Variants in MYO1B observed in about 807,000 individuals in gnomAD.
MYO1B encodes myosin IB, also known as unconventional myosin-Ib.
Under a neutral mutation model 159.7 loss-of-function variants are expected in MYO1B, and 72 were observed. The observed-to-expected ratio is 0.45, with a 90% CI of 0.37 to 0.55. MYO1B has a LOEUF of 0.55. Ranked by LOEUF, MYO1B falls within the 20% of genes least tolerant of loss-of-function variation. The pLI, the probability that MYO1B is intolerant of heterozygous loss-of-function variation, is 0.00. For synonymous variants in MYO1B, 468 were observed against 473.8 expected (o/e 0.99, Z 0.16); for missense variants, 1,062 against 1,364.8 (o/e 0.78, Z 3.50).
intron 3 of MYO1B, among the ~76,000 whole-genome samples, chr2:191,316,505 A>T (rs1559163363): frequency 6.6e-6 from 1 of 151,680 alleles, no homozygotes; most frequent in Non-Finnish European, 1.5e-5. Context: ...TATGTGAGTG[A>T]GTGTGTGTGT....
intron 4 of MYO1B, among the ~76,000 whole-genome samples, chr2:191,337,690 G>A (rs1691946575): frequency 6.6e-6 from 1 of 152,064 alleles, no homozygotes. Flanking sequence ...GTATCTATGA[G>A]TTAGAGAAAG....
intron 13 of MYO1B, among the ~76,000 whole-genome samples, chr2:191,371,295 G>GA (rs560673135): frequency 3.4e-4 from 52 of 151,934 alleles, no homozygotes; most frequent in East Asian, 1.4e-3. Flanking sequence ...CAGAATCTCA[G>GA]AAAAAAAACA....
At chr2:191,297,883 A>C (rs1425194849) in intron 3 of MYO1B, among the ~76,000 whole-genome samples, 1 of 152,148 alleles carries the variant, frequency 6.6e-6, no homozygotes, top group Non-Finnish European at 1.5e-5. Context: ...GGATGCTGCT[A>C]AGCACCCTTC....
chr2:191,303,397 G>A (rs1689454600), intron 3 of MYO1B, among the ~76,000 whole-genome samples: 1 of 152,108 alleles, frequency 6.6e-6, no homozygotes, highest in African/African-American at 2.4e-5. Context: ...GAATAGTTGA[G>A]CCCTTAAATT....
At chr2:191,303,157 C>T (rs1689438622) in intron 3 of MYO1B, among the ~76,000 whole-genome samples, 1 of 152,270 alleles carries the variant, frequency 6.6e-6, no homozygotes, top group East Asian at 1.9e-4. Context: ...GGGCAGAAGA[C>T]TCACACATTA....
chr2:191,253,432 G>T (rs1179267931), intron 1 of MYO1B, among the ~76,000 whole-genome samples: 1 of 151,960 alleles, frequency 6.6e-6, no homozygotes, highest in Non-Finnish European at 1.5e-5. Context: ...TTGTTGTTCT[G>T]GATCGTTCCT....
At chr2:191,373,338 T>C (rs1694495386) in intron 13 of MYO1B, among the ~76,000 whole-genome samples, 1 of 152,180 alleles carries the variant, frequency 6.6e-6, no homozygotes, top group Non-Finnish European at 1.5e-5. Context: ...TTTTTAAAGC[T>C]CTGAGGTGAT....
intron 7 of MYO1B, among the ~76,000 whole-genome samples, chr2:191,357,119 C>A (rs1159834513): frequency 6.6e-6 from 1 of 152,190 alleles, no homozygotes. Context: ...CTAATCCTTT[C>A]TCTGTTACAT....
intron 1 of MYO1B, among the ~76,000 whole-genome samples, chr2:191,250,486 C>T (rs1272804821): frequency 5.3e-5 from 8 of 152,204 alleles, no homozygotes; most frequent in Non-Finnish European, 1.2e-4. Flanking sequence ...CCTTCCTCAT[C>T]CTGTGTTCAA....
chr2:191,353,662 A>T (rs1161896000), intron 7 of MYO1B, among the ~76,000 whole-genome samples: 2 of 152,094 alleles, frequency 1.3e-5, no homozygotes, highest in African/African-American at 4.8e-5. Context: ...TTGTTGGTTT[A>T]TCATGTGGTT....
intron 13 of MYO1B, chr2:191,381,005 G>C (rs937660644): frequency 3.7e-6 from 1 of 268,504 alleles, no homozygotes; most frequent in Non-Finnish European, 7.3e-6. Flanking sequence ...AAAAGGGTTA[G>C]GATGCAAGAG....
chr2:191,302,735 C>G (rs1350984537), intron 3 of MYO1B, among the ~76,000 whole-genome samples: 1 of 152,190 alleles, frequency 6.6e-6, no homozygotes, highest in Non-Finnish European at 1.5e-5. Flanking sequence ...ATTGCAGTCA[C>G]AAGGTGAAGC....
chr2:191,334,881 C>T (rs1481406914), intron 4 of MYO1B, among the ~76,000 whole-genome samples: 1 of 152,144 alleles, frequency 6.6e-6, no homozygotes, highest in Non-Finnish European at 1.5e-5. Flanking sequence ...TTAATTTTTT[C>T]TTTTAGTTTC....
chr2:191,304,405 T>A (rs1463314306), intron 3 of MYO1B, among the ~76,000 whole-genome samples: 1 of 152,134 alleles, frequency 6.6e-6, no homozygotes, highest in African/African-American at 2.4e-5. Flanking sequence ...ACCCTGTCTC[T>A]AATAAATATA....
chr2:191,249,596 G>A (rs2125649598), intron 1 of MYO1B, among the ~76,000 whole-genome samples: 1 of 152,346 alleles, frequency 6.6e-6, no homozygotes, highest in South Asian at 2.1e-4. Flanking sequence ...ACCAAGTACA[G>A]GAGCAGACTG....
In MYO1B at chr2:191,330,014, G is replaced by A; in HGVS notation, c.331G>A (p.Gly111Arg). Residue 111 changes from glycine to arginine, a missense_variant, in exon 4 of 31, where the codon GGA (glycine) becomes AGA (arginine). Gly to Arg is a moderately radical substitution (Grantham distance 125, BLOSUM62 -2). This residue lies in a region of MYO1B where 415 missense variants were observed against 544.0 expected (regional missense o/e 0.76). Transcript: ENST00000392318. ...DQCILITGES[G>R]AGKTEASKLV... ...ATGTATTCTCATTACTGGGGAAAGT[G>A]GAGCAGGAAAAACAGGTAAGGCTCC... The A allele has an allele frequency of 6.2e-7, 1 of 1,611,846 alleles. No homozygotes were observed. The highest frequency in any genetic ancestry group is 8.5e-7 in the Non-Finnish European group (1 of 1,178,612).
intron 3 of MYO1B, among the ~76,000 whole-genome samples, chr2:191,305,121 G>C (rs890263435): frequency 8.5e-5 from 13 of 152,232 alleles, no homozygotes; most frequent in Admixed American, 7.8e-4. Flanking sequence ...CTGACAGAGA[G>C]AGCCACAGTT....
At chr2:191,321,728 C>T (rs1395911958) in intron 3 of MYO1B, among the ~76,000 whole-genome samples, 6 of 152,162 alleles carry the variant, frequency 3.9e-5, no homozygotes, top group Non-Finnish European at 8.8e-5. Flanking sequence ...ACATGCGTCT[C>T]TCAGTAAAAG....
chr2:191,313,657 T>A (rs1390724814), intron 3 of MYO1B, among the ~76,000 whole-genome samples: 1 of 152,222 alleles, frequency 6.6e-6, no homozygotes, highest in Admixed American at 6.5e-5. Context: ...GTGCTGGGAT[T>A]ACAGGCGTGA....
Sources: allele counts gnomAD v4.1 joint callset (sites outside exome capture counted in the v4.1 genomes callset), GRCh38; gene constraint gnomAD v4.1.1; regional missense constraint gnomAD v4.1.1; transcripts MANE v1.5; gene names NCBI Gene and HGNC (gene_info 2026-07-23, HGNC 2026-07-21).